SLC35F4: variants seen among roughly 807,000 people sequenced by gnomAD.
SLC35F4 encodes the protein solute carrier family 35 member F4.
In SLC35F4, 24 loss-of-function variants were observed where a neutral mutation model predicts 44.2. The ratio of observed to expected loss-of-function variants is 0.54; its 90% CI spans 0.39 to 0.76. The LOEUF is 0.76. Ranked by LOEUF, SLC35F4 falls within the 30% of genes least tolerant of loss-of-function variation. SLC35F4 has a pLI of 0.00. For missense variants in SLC35F4, 562 were observed against 586.1 expected, an observed-to-expected ratio of 0.96 and a Z score of 0.42; for synonymous variants, 238 against 223.6, an observed-to-expected ratio of 1.06 and a Z score of -0.57.
At chr14:57,709,345 C>T (rs2075759589) in intron 1 of SLC35F4, among the ~76,000 whole-genome samples, 1 of 152,142 alleles carries the variant, frequency 6.6e-6, no homozygotes, top group South Asian at 2.1e-4. Context: ...GGCTCGCACT[C>T]TTGTCTTCTG....
chr14:57,880,313 G>A (rs1888506506), intron 1 of SLC35F4, among the ~76,000 whole-genome samples: 3 of 152,156 alleles, frequency 2.0e-5, no homozygotes, highest in African/African-American at 7.2e-5. Context: ...AACTGGATAT[G>A]ATATATGGGT....
chr14:57,822,975 A>G (rs1883333292), intron 1 of SLC35F4, among the ~76,000 whole-genome samples: 1 of 152,168 alleles, frequency 6.6e-6, no homozygotes, highest in African/African-American at 2.4e-5. Context: ...ATTCCAAGTT[A>G]GTATCTCCAG....
intron 4 of SLC35F4, among the ~76,000 whole-genome samples, chr14:57,580,819 G>A (rs1232131845): frequency 6.6e-6 from 1 of 152,038 alleles, no homozygotes; most frequent in Non-Finnish European, 1.5e-5. Context: ...TCTGGTGGGG[G>A]GAATGGGGGG....
At chr14:57,654,469 C>T (rs1468981258) in intron 1 of SLC35F4, among the ~76,000 whole-genome samples, 1 of 152,144 alleles carries the variant, frequency 6.6e-6, no homozygotes, top group Non-Finnish European at 1.5e-5. Context: ...ATATATACCA[C>T]ATTTTCTTTA....
chr14:57,773,291 G>T (rs1375619136), intron 1 of SLC35F4, among the ~76,000 whole-genome samples: 1 of 152,200 alleles, frequency 6.6e-6, no homozygotes, highest in East Asian at 1.9e-4. Context: ...GTTGAGGTAT[G>T]TGCTATGCAG....
chr14:57,566,315 A>C (rs989862130), intron 7 of SLC35F4, among the ~76,000 whole-genome samples, 160 bp downstream of exon 7: 2 of 152,228 alleles, frequency 1.3e-5, no homozygotes, highest in Non-Finnish European at 2.9e-5. Flanking sequence ...TCTGCTGCAT[A>C]GTTACTCTGT....
intron 1 of SLC35F4, among the ~76,000 whole-genome samples, chr14:57,961,625 T>C (rs919273687): frequency 2.0e-5 from 3 of 152,218 alleles, no homozygotes; most frequent in African/African-American, 7.2e-5. Context: ...AAGATGCCTA[T>C]AATTCCTGGC....
At chr14:57,589,082 C>G in intron 3 of SLC35F4, 134 bp downstream of exon 3, 1 of 913,310 alleles carries the variant, frequency 1.1e-6, no homozygotes, top group East Asian at 2.5e-5. Context: ...GCTTCTAGTG[C>G]TCGTCTCCAA....
At chr14:57,957,414 G>T (rs1445410895) in intron 1 of SLC35F4, among the ~76,000 whole-genome samples, 1 of 141,018 alleles carries the variant, frequency 7.1e-6, no homozygotes, top group South Asian at 2.3e-4. Context: ...TTCTGCACAC[G>T]TACCCCAGAA....
intron 1 of SLC35F4, among the ~76,000 whole-genome samples, chr14:57,808,934 CT>C (rs1555391365): frequency 7.2e-6 from 1 of 138,046 alleles, no homozygotes; most frequent in East Asian, 2.2e-4. Context: ...CATTGTTCTT[CT>C]TTTTTTCTAG....
At chr14:57,715,833 C>T (rs575084237) in intron 1 of SLC35F4, among the ~76,000 whole-genome samples, 2 of 152,008 alleles carry the variant, frequency 1.3e-5, no homozygotes, top group South Asian at 4.1e-4. Context: ...GAAAAGGGTT[C>T]AAGATGGCAT....
intron 1 of SLC35F4, among the ~76,000 whole-genome samples, chr14:57,980,399 G>A (rs1403891257): frequency 6.6e-6 from 1 of 152,204 alleles, no homozygotes; most frequent in Non-Finnish European, 1.5e-5. Context: ...AGAGAAAAAT[G>A]TTCTGGTGGG....
chr14:57,612,529 A>G (rs145793690), intron 1 of SLC35F4, among the ~76,000 whole-genome samples: 435 of 152,236 alleles, frequency 2.9e-3, no homozygotes, highest in Non-Finnish European at 5.3e-3. Flanking sequence ...ACCACACCAT[A>G]TTCTACTGTA....
intron 1 of SLC35F4, among the ~76,000 whole-genome samples, chr14:57,769,356 G>A (rs1374827203): frequency 6.6e-6 from 1 of 151,954 alleles, no homozygotes; most frequent in Admixed American, 6.6e-5. Flanking sequence ...CCTTGCAACT[G>A]CCTCTATGCA....
rs555808290 is a variant in SLC35F4 at position 57,810,952 on chromosome 14, T to C, written c.103+54771A>G. Reference sequence around the variant, plus strand: ...AATATTGTCAGGTGACAAACTGACTTATTAAGGGAAGCTCTGTCCCAAATC... The same window carrying C: ...AATATTGTCAGGTGACAAACTGACTCATTAAGGGAAGCTCTGTCCCAAATC... On this transcript the variant is annotated intron_variant, in intron 1 of 7. Coordinates refer to ENST00000556826, the MANE Select transcript of SLC35F4 (RefSeq NM_001306087.2). Among the ~76,000 whole-genome samples, 51 of 152,326 alleles carry C rather than the reference T, an allele frequency of 3.3e-4. 1 individual carries two copies. Among genetic ancestry groups the C allele is most frequent in the African/African-American group, 1.2e-3 (49 of 41,580 alleles).
chr14:57,761,048 G>A (rs970878427), intron 1 of SLC35F4, among the ~76,000 whole-genome samples: 1 of 152,074 alleles, frequency 6.6e-6, no homozygotes, highest in African/African-American at 2.4e-5. Flanking sequence ...GACTCTGTGT[G>A]AGTCCCCTCT....
chr14:57,590,683 A>G (rs2070116776), intron 2 of SLC35F4, among the ~76,000 whole-genome samples: 1 of 152,208 alleles, frequency 6.6e-6, no homozygotes, highest in Non-Finnish European at 1.5e-5. Context: ...AGCGGAGGTC[A>G]TTCTGAGTCC....
At chr14:57,924,635 G>A (rs1021586323) in intron 1 of SLC35F4, among the ~76,000 whole-genome samples, 13 of 152,004 alleles carry the variant, frequency 8.6e-5, no homozygotes, top group Non-Finnish European at 4.4e-5. Context: ...TTTTAGTAGA[G>A]ACAGGGTTTC....
chr14:57,807,244 A>T (rs906065563), intron 1 of SLC35F4, among the ~76,000 whole-genome samples: 1 of 152,080 alleles, frequency 6.6e-6, no homozygotes, highest in Non-Finnish European at 1.5e-5. Flanking sequence ...TCTTGAGAGC[A>T]TGAGTTCTCT....
Sources: gnomAD v4.1 joint callset for allele counts (sites outside exome capture counted in the v4.1 genomes callset) on GRCh38, gnomAD v4.1.1 for gene constraint, MANE v1.5 for transcripts, NCBI Gene and HGNC (gene_info 2026-07-23, HGNC 2026-07-21) for gene names.